RAB40C: variants seen among roughly 807,000 people sequenced by gnomAD.
RAB40C encodes ras-related protein Rab-40C.
RAB40C carries 8 observed loss-of-function variants against 28.1 expected under a neutral mutation model. That is an observed-to-expected ratio of 0.28 (90% CI 0.17 to 0.51). RAB40C has a LOEUF of 0.51. Among genes scored for constraint, RAB40C ranks in the 20% least tolerant of loss-of-function variants. RAB40C has a pLI of 0.97. For synonymous variants in RAB40C, 201 were observed against 171.7 expected (o/e 1.17, Z -1.34); for missense variants, 288 against 405.9 (o/e 0.71, Z 2.50).
intron 3 of RAB40C, among the ~76,000 whole-genome samples, chr16:621,554 G>T (rs998594412): frequency 1.3e-5 from 2 of 152,256 alleles, no homozygotes; most frequent in African/African-American, 4.8e-5. Flanking sequence ...CCCTTCACGT[G>T]CCGCCGAAGG....
chr16:626,885 C>T (rs373874310), intron 5 of RAB40C, among the ~76,000 whole-genome samples: 4 of 152,220 alleles, frequency 2.6e-5, no homozygotes, highest in African/African-American at 7.2e-5. Flanking sequence ...TTGCAGTGAG[C>T]GGAGATCGTG....
intron 5 of RAB40C, among the ~76,000 whole-genome samples, chr16:626,625 G>A (rs2036841872): frequency 6.6e-6 from 1 of 152,172 alleles, no homozygotes; most frequent in Non-Finnish European, 1.5e-5. Context: ...GGTGGCTGAC[G>A]GTGTCACTGT....
rs202230568 is a variant in RAB40C, at chr16:627,652, G to T, written c.*30G>T. ...GATGGGCGGGGCCGCCTGTGCAGAT[G>T]CCAGGAGGGCTCGAGCTGGACACTC... On this transcript the variant is annotated 3_prime_UTR_variant, in exon 6 of 6. Transcript: ENST00000248139. The T allele has an allele frequency of 1.2e-5, 18 of 1,543,552 alleles. No individual in the cohort carries two copies. In the African/African-American group the frequency reaches 1.5e-4, roughly 13 times the overall value.
At position 627,561 on chromosome 16, in the gene RAB40C, C is replaced by G; in HGVS notation, c.785C>G (p.Ser262Cys). The G allele has an allele frequency of 1.2e-6, 2 of 1,612,782 alleles. No individual in the cohort carries two copies. Among genetic ancestry groups the G allele is most frequent in the Non-Finnish European group, 8.5e-7 (1 of 1,179,390 alleles). Residue 262 changes from serine (S) to cysteine (C), a missense_variant, in exon 6 of 6, where the codon TCC becomes TGC. Transcript: ENST00000248139. ...GGCAACAGCCTCAAGAGGTCCAAGT[C>G]CATCCGTCCACCCCAGAGCCCCCCC... is the stretch of plus-strand genomic sequence containing the variant. ...SKGNSLKRSK[S>C]IRPPQSPPQN... is the part of the protein sequence containing the mutation.
Position 618,268 on chromosome 16 carries a change from C to A in RAB40C, c.264+8C>A, listed in dbSNP as rs1249646328. ...TACTCCAGGGGCGCTCAGGTAAGAC[C>A]AGCACCGCTCTTTCCATTGCTTTTC... On this transcript the variant is annotated splice_region_variant and intron_variant, in intron 3 of 5. Transcript: ENST00000248139. The A allele has an allele frequency of 8.1e-6, 13 of 1,606,578 alleles. No individual in the cohort carries two copies. The highest frequency in any genetic ancestry group is 1.1e-5 in the Non-Finnish European group (13 of 1,177,034).
chr16:620,041 G>C (rs2036679383), intron 3 of RAB40C, among the ~76,000 whole-genome samples: 1 of 152,234 alleles, frequency 6.6e-6, no homozygotes, highest in South Asian at 2.1e-4. Flanking sequence ...GATTCGTGGA[G>C]CAGGCAGGTG....
At chr16:625,759 T>TGCCCACCTTGACCTCC (rs995678271) in intron 4 of RAB40C, 140 bp from the exon 5 acceptor site, 12 of 930,280 alleles carry the variant, frequency 1.3e-5, no homozygotes, top group East Asian at 7.9e-5. Context: ...CCCTGGGGTC[T>TGCCCACCTTGACCTCC]GCCCACCTTG....
At chr16:616,056 G>C (rs529468169) in intron 1 of RAB40C, among the ~76,000 whole-genome samples, 1 of 152,168 alleles carries the variant, frequency 6.6e-6, no homozygotes, top group East Asian at 1.9e-4. Flanking sequence ...AGGAGATCGA[G>C]ACCATCCTGG....
At chr16:602,185 A>T (rs1337791684) in intron 1 of RAB40C, among the ~76,000 whole-genome samples, 6 of 151,960 alleles carry the variant, frequency 3.9e-5, no homozygotes, top group Non-Finnish European at 8.8e-5. Context: ...TATGCTTGAT[A>T]TCTTAAGTAT....
intron 3 of RAB40C, chr16:624,549 T>C (rs1457402182): frequency 2.0e-6 from 2 of 985,294 alleles, no homozygotes; most frequent in African/African-American, 3.5e-5. Flanking sequence ...TATCGAAAGA[T>C]GGTTCTAAGA....
intron 1 of RAB40C, among the ~76,000 whole-genome samples, chr16:605,988 T>G (rs1206451180): frequency 6.6e-6 from 1 of 152,252 alleles, no homozygotes; most frequent in Non-Finnish European, 1.5e-5. Context: ...AACATTTCTA[T>G]TCTGTCAGTA....
At chr16:598,849 C>G (rs558759062) in intron 1 of RAB40C, among the ~76,000 whole-genome samples, 3 of 152,238 alleles carry the variant, frequency 2.0e-5, no homozygotes, top group Non-Finnish European at 4.4e-5. Context: ...AACCTCATGT[C>G]AACCCTGAGT....
At chr16:607,181 C>T (rs2036377486) in intron 1 of RAB40C, among the ~76,000 whole-genome samples, 1 of 152,220 alleles carries the variant, frequency 6.6e-6, no homozygotes, top group South Asian at 2.1e-4. Flanking sequence ...CTCCCCAGAC[C>T]ACCAGCACGT....
At position 617,203 on chromosome 16, in the gene RAB40C, C is replaced by T. The variant is rs371750074; in HGVS notation, c.143-5C>T. ...GTCCCCTCAGCGCCCTGTGCTTCCT[C>T]GCAGGGATCGACTACAAGACCACCA... On this transcript the variant is annotated splice_region_variant and splice_polypyrimidine_tract_variant and intron_variant, in intron 1 of 5. Transcript: ENST00000248139. 223 of 1,613,682 alleles carry T rather than the reference C, an allele frequency of 1.4e-4. 1 individual carries two copies. The African/African-American group carries it at 2.5e-3, about 18-fold the overall frequency.
In RAB40C at chr16:627,799, G is replaced by A. The variant is rs2036873588; in HGVS notation, c.*177G>A. Reference sequence around the variant, plus strand: ...GAGGAGCATGCACGGACCAAGCGCGGCAGGCGGGAGGAGGGGGCGCGGCTG... The same window carrying A: ...GAGGAGCATGCACGGACCAAGCGCGACAGGCGGGAGGAGGGGGCGCGGCTG... On this transcript the variant is annotated 3_prime_UTR_variant, in exon 6 of 6. Transcript: ENST00000248139. 3 of 739,516 alleles carry A rather than the reference G, an allele frequency of 4.1e-6. No individual in the cohort carries two copies. In the South Asian group the frequency reaches 9.9e-5, roughly 24 times the overall value. The allele number at this position is 739,516 out of a possible 1,614,324, so 45.8% of individuals were successfully genotyped here.
At chr16:619,475 C>T (rs1056808872) in intron 3 of RAB40C, among the ~76,000 whole-genome samples, 2 of 152,232 alleles carry the variant, frequency 1.3e-5, no homozygotes, top group African/African-American at 4.8e-5. Context: ...ACTGGATCTG[C>T]TGGCGAATGT....
chr16:621,987 A>G lies in RAB40C; in HGVS notation c.265-3445A>G, dbSNP rs78996934. Among the ~76,000 whole-genome samples the G allele has an allele frequency of 1.8e-3, 272 of 152,228 alleles. 9 individuals carry two copies. In the East Asian group the frequency reaches 0.034, roughly 19 times the overall value. ...TTACATGTCAGTTGCTCCTGGGCAG[A>G]GCCTGGGTGCAGGGATGCAGGAGGA... On this transcript the variant is annotated intron_variant, in intron 3 of 5. Coordinates refer to ENST00000248139, the MANE Select transcript of RAB40C (RefSeq NM_021168.5).
intron 1 of RAB40C, among the ~76,000 whole-genome samples, chr16:606,930 C>T (rs1478794226): frequency 2.0e-5 from 3 of 152,172 alleles, no homozygotes; most frequent in Non-Finnish European, 2.9e-5. Context: ...AGCAACTCAG[C>T]AGCAAACAGC....
intron 3 of RAB40C, among the ~76,000 whole-genome samples, chr16:620,036 G>A (rs975096515): frequency 3.9e-5 from 6 of 152,210 alleles, no homozygotes; most frequent in South Asian, 2.1e-4. Flanking sequence ...GCCGTGATTC[G>A]TGGAGCAGGC....
Sources: allele counts gnomAD v4.1 joint callset (sites outside exome capture counted in the v4.1 genomes callset), GRCh38; gene constraint gnomAD v4.1.1; transcripts MANE v1.5; gene names NCBI Gene and HGNC (gene_info 2026-07-23, HGNC 2026-07-21).